Variants in KMT2D observed in about 807,000 individuals in gnomAD.
KMT2D encodes the protein lysine methyltransferase 2D.
Under a neutral mutation model 512.7 loss-of-function variants are expected in KMT2D, and 55 were observed. That is an observed-to-expected ratio of 0.11 (90% CI 0.09 to 0.13). The LOEUF (loss-of-function observed/expected upper bound fraction) is 0.13, where lower values mean the gene tolerates loss of function less well. KMT2D is among the 10% of genes least tolerant of loss of function. KMT2D has a pLI of 1.00. For missense variants in KMT2D, 6,061 were observed against 7,127.9 expected (o/e 0.85, Z 5.39); for synonymous variants, 2,995 against 2,904.0 (o/e 1.03, Z -1.01).
intron 15 of KMT2D, among the ~76,000 whole-genome samples, chr12:49,047,734 T>C (rs922362498): frequency 6.6e-6 from 1 of 152,278 alleles, no homozygotes; most frequent in Non-Finnish European, 1.5e-5. Context: ...TGTTATTTTT[T>C]ACGATGGACT....
chr12:49,047,891 GC>G (rs1422117558), intron 15 of KMT2D, 73 bp downstream of exon 15: 1 of 1,053,718 alleles, frequency 9.5e-7, no homozygotes, highest in Non-Finnish European at 1.5e-6. Flanking sequence ...AGGTGGTATG[GC>G]CAGGACAAGG....
Position 49,041,927 on chromosome 12 carries a change from G to T in KMT2D, c.6173C>A (p.Ala2058Asp). The T allele has an allele frequency of 2.5e-6, 4 of 1,606,758 alleles. No individual in the cohort carries two copies. Among genetic ancestry groups the T allele is most frequent in the Non-Finnish European group, 3.4e-6 (4 of 1,176,204 alleles). The change falls in exon 30 of 55, where the codon GCC (alanine) becomes GAC (aspartate). Residue 2058 changes from alanine to aspartate, a missense_variant. Transcript: ENST00000301067. The surrounding 1 kb of genome is among the most constrained non-coding windows in gnomAD (Gnocchi z 5.4). ...TCCTTTCTGCCTCACCAGGTAGGGG[G>T]CTTTGTCAGCTGCTGGAACCTTTCT... The part of the protein sequence containing the change: ...LWRKVPAADK[A>D]PYLQKAKDNR...
rs1378773538 is a variant in KMT2D at position 49,026,865 on chromosome 12, A to T, written c.15101T>A (p.Phe5034Tyr). 1 of 1,613,866 alleles carries T rather than the reference A, an allele frequency of 6.2e-7. No homozygotes were observed. The highest frequency in any genetic ancestry group is 8.5e-7 in the Non-Finnish European group (1 of 1,179,900). ...GGCCCCGTCACCCTCCTCATGACAGAAACAGCAGCGACGCATGTCTCGCGG... is the reference window on the plus strand; with the variant it reads ...GGCCCCGTCACCCTCCTCATGACAGTAACAGCAGCGACGCATGTCTCGCGG... ...KVPRDMRRCC[F>Y]CHEEGDGATD... The change falls in exon 49 of 55, where the codon TTC becomes TAC. Residue 5034 changes from phenylalanine (F) to tyrosine (Y), a missense_variant. Phe to Tyr is a conservative substitution (Grantham distance 22). This residue lies in a region of KMT2D where 1,600 missense variants were observed against 1,754.9 expected (regional missense o/e 0.91). Transcript: ENST00000301067. This position sits in a 1 kb window ranked among gnomAD's most constrained non-coding sequence, Gnocchi z 9.6.
chr12:49,043,566 A>G, intron 24 of KMT2D, 69 bp downstream of exon 24: 10 of 1,603,162 alleles, frequency 6.2e-6, no homozygotes, highest in South Asian at 1.1e-5. Flanking sequence ...TTCCCATCAA[A>G]TAACTTGCCA....
rs2120497353 is a variant in KMT2D at position 49,038,435 on chromosome 12, C to A, written c.8921G>T (p.Gly2974Val). ...TTCCAGGGCCAGAGGATTGGGGCGG[C>A]CAAGCTCAGTGCTCGACGGGGGCCG... is the stretch of plus-strand genomic sequence containing the variant. ...VNRPPSSTEL[G>V]RPNPLALEAG... The change falls in exon 35 of 55, where the codon GGC (glycine) becomes GTC (valine). Residue 2974 changes from glycine (G) to valine (V), a missense_variant. This residue lies in a region of KMT2D where 527 missense variants were observed against 578.9 expected (regional missense o/e 0.91). Transcript: ENST00000301067. The surrounding 1 kb of genome is among the most constrained non-coding windows in gnomAD (Gnocchi z 5.7). 6.2e-7 allele frequency: 1 copy of A among 1,612,548 alleles called. No individual in the cohort carries two copies.
Position 49,019,240 on chromosome 12 carries a change from C to T in KMT2D, c.*2540G>A. ...CAAAATAAAGTCTTCACGGGATTCACACTTGTCAGCGATTTATTTTTTAAA... is the reference window on the plus strand; with the variant it reads ...CAAAATAAAGTCTTCACGGGATTCATACTTGTCAGCGATTTATTTTTTAAA... On this transcript the variant is annotated 3_prime_UTR_variant, in exon 55 of 55. Transcript: ENST00000301067. 1.1e-6 allele frequency: 1 copy of T among 874,592 alleles called. No individual in the cohort carries two copies. The highest frequency in any genetic ancestry group is 1.8e-5 in the African/African-American group (1 of 56,944). The allele number at this position is 874,592 out of a possible 1,614,324, so 54.2% of individuals were successfully genotyped here.
Position 49,034,911 on chromosome 12 carries a change from T to G in KMT2D, c.10256A>C (p.Asp3419Ala). 1 of 1,614,010 alleles carries G rather than the reference T, an allele frequency of 6.2e-7. No homozygotes were observed. The highest frequency in any genetic ancestry group is 8.5e-7 in the Non-Finnish European group (1 of 1,179,894). The stretch of plus-strand genomic sequence containing the variant: ...GGCCTTTGCAATGGGATCAATGATA[T>G]CTTCTGCAGCAAATTTGTCCAGGTC... The part of the protein sequence containing the change: ...DTDLDKFAAE[D>A]IIDPIAKAKM... The change falls in exon 36 of 55, where the codon GAT becomes GCT. Residue 3419 changes from aspartate (D) to alanine (A), a missense_variant. Physicochemically the swap from Asp to Ala is moderately radical, Grantham distance 126. Around this residue, in one of 16 missense-constraint regions of KMT2D, gnomAD observed 533 missense variants for 539.6 expected, o/e 0.99. Transcript: ENST00000301067.
chr12:49,024,728 T>A lies in KMT2D; in HGVS notation c.15922-20A>T, dbSNP rs988621354. The A allele has an allele frequency of 6.2e-7, 1 of 1,612,134 alleles. No individual in the cohort carries two copies. Among genetic ancestry groups the A allele is most frequent in the African/African-American group, 1.3e-5 (1 of 74,868 alleles). Reference sequence around the variant, plus strand: ...GGGCAGCTGTGGGCACAGTTCATACTCACCTTAGCCTGAGTTTTTTTGGGG... The same window carrying A: ...GGGCAGCTGTGGGCACAGTTCATACACACCTTAGCCTGAGTTTTTTTGGGG... On this transcript the variant is annotated intron_variant, in intron 50 of 54. Transcript: ENST00000301067. This position sits in a 1 kb window ranked among gnomAD's most constrained non-coding sequence, Gnocchi z 4.5.
Position 49,031,691 on chromosome 12 carries a change from G to A in KMT2D, c.13014C>T (p.Pro4338=), listed in dbSNP as rs2120422845. The change falls in exon 40 of 55, where the codon CCC becomes CCT. Residue 4338 remains proline, a synonymous_variant. Transcript: ENST00000301067. Reference sequence around the variant, plus strand: ...GAGGTTTGGGGGTCCCTGGATGGGTGGGAGGGAGCTGGGCCTCAGTGGGAA... The same window carrying A: ...GAGGTTTGGGGGTCCCTGGATGGGTAGGAGGGAGCTGGGCCTCAGTGGGAA... ...SQLPTEAQLP[P]THPGTPKPQG... is the part of the protein sequence containing the mutation. 1 of 1,612,200 alleles carries A rather than the reference G, an allele frequency of 6.2e-7. No homozygotes were observed. Among genetic ancestry groups the A allele is most frequent in the Non-Finnish European group, 8.5e-7 (1 of 1,179,254 alleles).
intron 10 of KMT2D, 29 bp from the exon 11 acceptor site, chr12:49,052,453 T>C (rs1373617821): frequency 5.8e-6 from 9 of 1,547,164 alleles, no homozygotes; most frequent in Non-Finnish European, 7.9e-6. Context: ...GATGCTCCTA[T>C]CTAGCTCAGA....
chr12:49,052,801 G>A, intron 9 of KMT2D, 92 bp from the exon 10 acceptor site: 1 of 1,575,690 alleles, frequency 6.3e-7, no homozygotes, highest in Non-Finnish European at 8.7e-7. Flanking sequence ...TGCTGTGGAT[G>A]GCACTGCCCA....
At chr12:49,047,600 A>C (rs991676688) in intron 15 of KMT2D, among the ~76,000 whole-genome samples, 3 of 149,004 alleles carry the variant, frequency 2.0e-5, no homozygotes, top group African/African-American at 7.5e-5. Flanking sequence ...GTTATTTTTT[A>C]GAAGAGACGG....
chr12:49,042,044 T>C lies in KMT2D; in HGVS notation c.6109+45A>G, dbSNP rs200966563. The C allele has an allele frequency of 9.3e-6, 15 of 1,612,254 alleles. No individual in the cohort carries two copies. In the African/African-American group the frequency reaches 1.9e-4, roughly 20 times the overall value. Reference sequence around the variant, plus strand: ...AGACTTGGCAGGCGACTCCTCCACCTGCCATGTTGCCAGGCTGTCTCCCTT... The same window carrying C: ...AGACTTGGCAGGCGACTCCTCCACCCGCCATGTTGCCAGGCTGTCTCCCTT... On this transcript the variant is annotated intron_variant, in intron 29 of 54. Transcript: ENST00000301067. The surrounding 1 kb of genome is among the most constrained non-coding windows in gnomAD (Gnocchi z 4.4).
chr12:49,055,684 G>A (rs1448392088), intron 1 of KMT2D, among the ~76,000 whole-genome samples: 1 of 152,138 alleles, frequency 6.6e-6, no homozygotes, highest in Non-Finnish European at 1.5e-5. Context: ...ACTGCTCTTT[G>A]GCTTGCCTCT....
rs1255523264 is a variant in KMT2D, at chr12:49,030,639, G to C, written c.13801C>G (p.Pro4601Ala). 1.2e-6 allele frequency: 2 copies of C among 1,605,338 alleles called. No homozygotes were observed. Among genetic ancestry groups the C allele is most frequent in the Non-Finnish European group, 1.7e-6 (2 of 1,175,610 alleles). The change falls in exon 42 of 55, where the codon CCC (proline) becomes GCC (alanine). Residue 4601 changes from proline to alanine, a missense_variant. This residue lies in a region of KMT2D where 1,600 missense variants were observed against 1,754.9 expected (regional missense o/e 0.91). Coordinates refer to ENST00000301067, the MANE Select transcript of KMT2D (RefSeq NM_003482.4). ...LRGAFGSGAL[P>A]TGPDYYSQLL... ...TGGGAATAGTAGTCAGGGCCAGTGG[G>C]CAGCGCCCCACTTCCAAAGGCCCCC... is the stretch of plus-strand genomic sequence containing the variant.
Position 49,051,693 on chromosome 12 carries a change from G to C in KMT2D, c.1990C>G (p.Pro664Ala), listed in dbSNP as rs558509938. The C allele has an allele frequency of 2.3e-5, 36 of 1,580,156 alleles. No individual in the cohort carries two copies. Among genetic ancestry groups the C allele is most frequent in the Non-Finnish European group, 3.1e-5 (36 of 1,160,680 alleles). ...SPLPVVSRLS[P>A]PPEESPLSPP... ...GACAAGGGAGATTCCTCAGGCGGTG[G>C]AGACAGGCGTGACACCACAGGCAGG... The change falls in exon 11 of 55, where the codon CCA becomes GCA. Residue 664 changes from proline to alanine, a missense_variant. Coordinates refer to ENST00000301067, the MANE Select transcript of KMT2D (RefSeq NM_003482.4).
intron 1 of KMT2D, among the ~76,000 whole-genome samples, chr12:49,058,197 G>C (rs1938525460): frequency 6.6e-6 from 1 of 152,078 alleles, no homozygotes; most frequent in Non-Finnish European, 1.5e-5. Flanking sequence ...CAGACCCTCT[G>C]AACTGTGTCC....
In KMT2D at chr12:49,040,595, G is replaced by C. The variant is rs2120531237; in HGVS notation, c.7175C>G (p.Pro2392Arg). 6.2e-7 allele frequency: 1 copy of C among 1,613,570 alleles called. No homozygotes were observed. ...PLTPRPQPPPPESCCALPPRS... is the reference protein window; with the variant it reads ...PLTPRPQPPPRESCCALPPRS... ...AGGGGGCAGAGCACAGCAGCTCTCA[G>C]GGGGCGGAGGTTGGGGCCGAGGAGT... The change falls in exon 32 of 55, where the codon CCT (proline) becomes CGT (arginine). Residue 2392 changes from proline (P) to arginine (R), a missense_variant. Pro to Arg is a moderately radical substitution (Grantham distance 103, BLOSUM62 -2). Coordinates refer to ENST00000301067, the MANE Select transcript of KMT2D (RefSeq NM_003482.4).
chr12:49,029,067 T>C lies in KMT2D; in HGVS notation c.14245A>G (p.Ile4749Val), dbSNP rs1942753731. The C allele has an allele frequency of 1.2e-6, 2 of 1,602,496 alleles. No homozygotes were observed. Among genetic ancestry groups the C allele is most frequent in the East Asian group, 2.2e-5 (1 of 44,660 alleles). ...PVIPLIPRAS[I>V]PVFPDTKPYG... ...CATCCAGAGTAGCACATACCTGGGA[T>C]GCTGGCCCGAGGAATGAGGGGGATG... The change falls in exon 45 of 55, where the codon ATC becomes GTC. Residue 4749 changes from isoleucine to valine, a missense_variant. By Grantham distance (29) the Ile-to-Val change is conservative. Transcript: ENST00000301067.
Sources: allele counts gnomAD v4.1 joint callset (sites outside exome capture counted in the v4.1 genomes callset), GRCh38; gene constraint gnomAD v4.1.1; regional missense constraint gnomAD v4.1.1; non-coding constraint Gnocchi (gnomAD v3.1); transcripts MANE v1.5; gene names NCBI Gene and HGNC (gene_info 2026-07-23, HGNC 2026-07-21).